The following RBMS1 variants were observed in gnomAD, a reference collection of about 807,000 sequenced individuals.
RBMS1 encodes RNA-binding motif, single-stranded-interacting protein 1.
RBMS1 carries 17 observed loss-of-function variants against 62.3 expected under a neutral mutation model. The observed-to-expected ratio is 0.27, with a 90% CI of 0.19 to 0.41. RBMS1 has a LOEUF of 0.41. Among genes scored for constraint, RBMS1 ranks in the 10% least tolerant of loss-of-function variants. RBMS1 has a pLI of 1.00. For synonymous variants in RBMS1, 172 were observed against 170.0 expected, an observed-to-expected ratio of 1.01 and a Z score of -0.09; for missense variants, 334 against 504.5, an observed-to-expected ratio of 0.66 and a Z score of 3.24.
intron 2 of RBMS1, among the ~76,000 whole-genome samples, chr2:160,365,891 C>T (rs141181015): frequency 3.2e-4 from 49 of 152,288 alleles, no homozygotes; most frequent in African/African-American, 8.9e-4. Flanking sequence ...TAGGGCAGGG[C>T]GTGCCTGGCA....
intron 1 of RBMS1, among the ~76,000 whole-genome samples, chr2:160,466,039 T>G (rs924614596): frequency 6.6e-6 from 1 of 152,236 alleles, no homozygotes; most frequent in Non-Finnish European, 1.5e-5. Flanking sequence ...ATATGGAATA[T>G]ACACACAAAG....
At chr2:160,379,995 A>G (rs556343650) in intron 1 of RBMS1, among the ~76,000 whole-genome samples, 1 of 152,312 alleles carries the variant, frequency 6.6e-6, no homozygotes, top group South Asian at 2.1e-4. Flanking sequence ...TTCTTTCATG[A>G]TATTTAGTTT....
At chr2:160,431,672 A>G (rs546177264) in intron 1 of RBMS1, among the ~76,000 whole-genome samples, 1 of 152,050 alleles carries the variant, frequency 6.6e-6, no homozygotes, top group Middle Eastern at 3.4e-3. Context: ...GAACCAGGTA[A>G]TCTGGACTTT....
rs958155866 is a variant in RBMS1 at position 160,304,561 on chromosome 2, G to T, written c.403-1074C>A. Among the ~76,000 whole-genome samples the T allele has an allele frequency of 8.5e-5, 13 of 152,308 alleles. No individual in the cohort carries two copies. The East Asian group carries it at 2.5e-3, about 29-fold the overall frequency. ...CATATACGATGGTGGTCCTGTAATA[G>T]AGATGAAAACTTCCTATCACCTGGT... is the stretch of plus-strand genomic sequence containing the variant. On this transcript the variant is annotated intron_variant, in intron 4 of 13. Transcript: ENST00000348849.
intron 1 of RBMS1, among the ~76,000 whole-genome samples, chr2:160,376,440 T>C (rs547838780): frequency 6.6e-6 from 1 of 152,158 alleles, no homozygotes; most frequent in Non-Finnish European, 1.5e-5. Flanking sequence ...AATGTTGTAA[T>C]TTTGTGTATA....
At chr2:160,300,554 A>G (rs563818601) in intron 6 of RBMS1, 97 bp downstream of exon 6, 1 of 1,391,340 alleles carries the variant, frequency 7.2e-7, no homozygotes, top group East Asian at 2.6e-5. Flanking sequence ...AAAGAGTGAA[A>G]TGAGGGGTTT....
intron 2 of RBMS1, among the ~76,000 whole-genome samples, chr2:160,342,654 G>A (rs1289381533): frequency 1.3e-5 from 2 of 151,750 alleles, no homozygotes; most frequent in Non-Finnish European, 2.9e-5. Flanking sequence ...GGTGGCTCAC[G>A]CCTGTAATCC....
intron 1 of RBMS1, chr2:160,493,034 G>A (rs959127841): frequency 9.2e-6 from 4 of 432,766 alleles, no homozygotes; most frequent in South Asian, 3.9e-5. Context: ...GCCAGGAAGG[G>A]GCTGGTGGCT....
intron 1 of RBMS1, among the ~76,000 whole-genome samples, chr2:160,371,434 A>G (rs1018995569): frequency 1.3e-5 from 2 of 152,128 alleles, no homozygotes; most frequent in African/African-American, 4.8e-5. Context: ...CTAAGTGCCC[A>G]CTCATCCCAA....
intron 1 of RBMS1, among the ~76,000 whole-genome samples, chr2:160,456,216 G>A (rs1459783454): frequency 6.6e-6 from 1 of 152,180 alleles, no homozygotes; most frequent in Admixed American, 6.5e-5. Context: ...AATGTATTTA[G>A]CACACACTAC....
Position 160,344,478 on chromosome 2 carries a change from T to C in RBMS1, c.251+22738A>G, listed in dbSNP as rs1291784618. Among the ~76,000 whole-genome samples, 3 of 152,320 alleles carry C rather than the reference T, an allele frequency of 2.0e-5. No homozygotes were observed. In the East Asian group the frequency reaches 5.8e-4, roughly 29 times the overall value. ...CACTTCATTTTTCTTTTGTTTTTTGTTGTTGTTATTTCTAGAAGTTGTTTC... is the reference window on the plus strand; with the variant it reads ...CACTTCATTTTTCTTTTGTTTTTTGCTGTTGTTATTTCTAGAAGTTGTTTC... On this transcript the variant is annotated intron_variant, in intron 2 of 13. Transcript: ENST00000348849.
intron 1 of RBMS1, among the ~76,000 whole-genome samples, chr2:160,368,392 CA>C (rs1236983152): frequency 1.3e-5 from 2 of 152,156 alleles, no homozygotes; most frequent in East Asian, 1.9e-4. Context: ...ACTAGACAGT[CA>C]AAAGGTTCAA....
At chr2:160,278,347 T>C (rs772259815) in intron 11 of RBMS1, 55 of 601,000 alleles carry the variant, frequency 9.2e-5, no homozygotes, top group Non-Finnish European at 1.5e-4. Context: ...AAAGGAGAGA[T>C]ACCCAGAGAA....
intron 1 of RBMS1, among the ~76,000 whole-genome samples, chr2:160,438,810 G>A (rs973881447): frequency 7.2e-5 from 11 of 152,014 alleles, no homozygotes; most frequent in African/African-American, 2.4e-4. Context: ...CGGGCAGAGG[G>A]GCTCCTCACT....
chr2:160,414,539 A>G (rs1245918852), intron 1 of RBMS1, among the ~76,000 whole-genome samples: 1 of 152,214 alleles, frequency 6.6e-6, no homozygotes, highest in Non-Finnish European at 1.5e-5. Context: ...TAAAATCCTA[A>G]TCACCATTTA....
At chr2:160,416,593 TGCCCCGCCACCAGTGCCGA>T (rs1319574227) in intron 1 of RBMS1, among the ~76,000 whole-genome samples, 8 of 152,280 alleles carry the variant, frequency 5.3e-5, no homozygotes, top group African/African-American at 1.9e-4. Flanking sequence ...CACCTGCCCC[TGCCCCGCCACCAGTGCCGA>T]CCTTTTTTTG....
chr2:160,321,848 C>CA (rs1423906196), intron 2 of RBMS1, among the ~76,000 whole-genome samples: 9 of 152,128 alleles, frequency 5.9e-5, no homozygotes, highest in Non-Finnish European at 1.2e-4. Flanking sequence ...TAGACACATG[C>CA]AAAAAACACA....
intron 1 of RBMS1, among the ~76,000 whole-genome samples, chr2:160,389,635 T>C (rs1347436555): frequency 7.5e-6 from 1 of 132,540 alleles, no homozygotes; most frequent in South Asian, 2.3e-4. Context: ...GAGGTGGAGG[T>C]TGCAGTGAGC....
At chr2:160,414,745 C>G (rs192754306) in intron 1 of RBMS1, among the ~76,000 whole-genome samples, 1 of 151,512 alleles carries the variant, frequency 6.6e-6, no homozygotes, top group East Asian at 1.9e-4. Context: ...TTAAAAAAAT[C>G]GTTGAGTTAG....
Sources: gnomAD v4.1 joint callset for allele counts (sites outside exome capture counted in the v4.1 genomes callset) on GRCh38, gnomAD v4.1.1 for gene constraint, MANE v1.5 for transcripts, NCBI Gene and HGNC (gene_info 2026-07-23, HGNC 2026-07-21) for gene names.